The following MYH3 variants were observed in gnomAD, a reference collection of about 807,000 sequenced individuals.
The protein encoded by MYH3 is myosin heavy chain 3.
Under a neutral mutation model 238.0 loss-of-function variants are expected in MYH3, and 130 were observed. The observed-to-expected ratio is 0.55, with a 90% CI of 0.47 to 0.63. MYH3 has a LOEUF of 0.63. Ranked by LOEUF, MYH3 falls within the 30% of genes least tolerant of loss-of-function variation. The pLI is 0.00. For synonymous variants in MYH3, 880 were observed against 924.1 expected, an observed-to-expected ratio of 0.95 and a Z score of 0.86; for missense variants, 1,853 against 2,374.9, an observed-to-expected ratio of 0.78 and a Z score of 4.57.
At chr17:10,630,724 GC>G (rs1345541917) in intron 36 of MYH3, among the ~76,000 whole-genome samples, 1 of 152,144 alleles carries the variant, frequency 6.6e-6, no homozygotes, top group African/African-American at 2.4e-5. Flanking sequence ...GGTGGCAGAT[GC>G]CCGTATTCCC....
Position 10,637,874 on chromosome 17 carries a change from T to C in MYH3, c.3791A>G (p.Asn1264Ser). ...GCTCAGGCTCCTCTGAATTTCCTCA[T>C]TCTTGCCCCTGGCCTCACTTAACTG... is the stretch of plus-strand genomic sequence containing the variant. ...EDQLSEARGK[N>S]EEIQRSLSEL... The change falls in exon 28 of 41, where the codon AAT becomes AGT. Residue 1264 changes from asparagine to serine, a missense_variant. Physicochemically the swap from Asn to Ser is conservative, Grantham distance 46. This residue lies in a region of MYH3 where 1,044 missense variants were observed against 1,192.6 expected (regional missense o/e 0.88). Transcript: ENST00000583535. 6.2e-7 allele frequency: 1 copy of C among 1,614,142 alleles called. No homozygotes were observed. Among genetic ancestry groups the C allele is most frequent in the Non-Finnish European group, 8.5e-7 (1 of 1,180,018 alleles).
intron 26 of MYH3, 66 bp from the exon 27 acceptor site, chr17:10,638,498 C>G (rs937649422): frequency 3.8e-6 from 6 of 1,591,924 alleles, no homozygotes; most frequent in Non-Finnish European, 5.1e-6. Context: ...TTGCCAAGAA[C>G]AGGCTGGTTT....
Position 10,655,078 on chromosome 17 carries a change from A to T in MYH3, c.-8-6T>A, listed in dbSNP as rs774370695. On this transcript the variant is annotated splice_region_variant and splice_polypyrimidine_tract_variant and intron_variant, in intron 2 of 40. Coordinates refer to ENST00000583535, the MANE Select transcript of MYH3 (RefSeq NM_002470.4). ...GTCACTACTCATGGTGTCAGCTGGA[A>T]GGCAAACCCACCCGGTGAGCTCAGC... 6.2e-7 allele frequency: 1 copy of T among 1,613,158 alleles called. No individual in the cohort carries two copies. The highest frequency in any genetic ancestry group is 2.2e-5 in the East Asian group (1 of 44,874).
rs1399671773 is a variant in MYH3, at chr17:10,642,814, G to A, written c.1581+12C>T. On this transcript the variant is annotated intron_variant, in intron 15 of 40. Coordinates refer to ENST00000583535, the MANE Select transcript of MYH3 (RefSeq NM_002470.4). The surrounding 1 kb of genome is among the most constrained non-coding windows in gnomAD (Gnocchi z 5.4). ...TATGAGAAGAGCTTACGGTGGGGATGGAACTGGATACCTTCTCGATGAGCT... is the reference window on the plus strand; with the variant it reads ...TATGAGAAGAGCTTACGGTGGGGATAGAACTGGATACCTTCTCGATGAGCT... 3 of 1,613,966 alleles carry A rather than the reference G, an allele frequency of 1.9e-6. No individual in the cohort carries two copies. The Admixed American group carries it at 5.0e-5, about 27-fold the overall frequency.
intron 10 of MYH3, among the ~76,000 whole-genome samples, chr17:10,646,557 T>C (rs1018649605): frequency 2.6e-5 from 4 of 152,112 alleles, no homozygotes; most frequent in Non-Finnish European, 1.5e-5. Flanking sequence ...TCTGTTTGCT[T>C]TGGCGTCGCA....
At chr17:10,678,410 A>T in the MYH3 span, 1 of 152,202 alleles carries the variant, frequency 6.6e-6, no homozygotes, top group Non-Finnish European at 1.5e-5. Context: ...TAAACTTGAC[A>T]CTAGAATGAA....
In MYH3 at chr17:10,654,905, T is replaced by C. The variant is rs983910272; in HGVS notation, c.160A>G (p.Ser54Gly). The C allele has an allele frequency of 4.3e-6, 7 of 1,614,042 alleles. No individual in the cohort carries two copies. ...ACAGTGACCTTCCCATCCTGAGAAC[T>C]CTTGATTTTCCCCTTGGCATATTCT... is the stretch of plus-strand genomic sequence containing the variant. ...KEEYAKGKIK[S>G]SQDGKVTVET... The change falls in exon 3 of 41, where the codon AGT becomes GGT. Residue 54 changes from serine (S) to glycine (G), a missense_variant. Transcript: ENST00000583535. The surrounding 1 kb of genome is among the most constrained non-coding windows in gnomAD (Gnocchi z 4.5).
the MYH3 span, among the ~76,000 whole-genome samples, chr17:10,667,893 T>A: frequency 6.6e-6 from 1 of 152,184 alleles, no homozygotes; most frequent in Non-Finnish European, 1.5e-5. Context: ...TATATGATTT[T>A]GACTTTTGAA....
At chr17:10,676,611 G>A in the MYH3 span, 7 of 152,058 alleles carry the variant, frequency 4.6e-5, no homozygotes, top group South Asian at 2.1e-4. Context: ...GTTTTCTTTC[G>A]GTTAAATACC....
At chr17:10,658,274 T>C (rs1482919046), upstream of MYH3, among the ~76,000 whole-genome samples, 3 of 152,142 alleles carry the variant, frequency 2.0e-5, no homozygotes, top group African/African-American at 7.2e-5. Flanking sequence ...TCTTGACAAA[T>C]CTTTGGGAGG....
the MYH3 span, chr17:10,677,643 A>T: frequency 1.3e-5 from 2 of 152,232 alleles, no homozygotes; most frequent in African/African-American, 4.8e-5. Context: ...TACACTTAAG[A>T]TATCAGCTGC....
chr17:10,651,755 T>C, intron 4 of MYH3, 87 bp from the exon 5 acceptor site: 2 of 1,511,152 alleles, frequency 1.3e-6, no homozygotes, highest in Non-Finnish European at 1.8e-6. Flanking sequence ...TTGTTTTTTT[T>C]TTTTTTTGAG....
At chr17:10,666,595 A>C in the MYH3 span, among the ~76,000 whole-genome samples, 5 of 151,138 alleles carry the variant, frequency 3.3e-5, no homozygotes, top group South Asian at 1.0e-3. Context: ...AAAAAAAAAA[A>C]AACTTAAAAA....
At chr17:10,636,551 A>C (rs2074217554) in intron 28 of MYH3, among the ~76,000 whole-genome samples, 1 of 152,170 alleles carries the variant, frequency 6.6e-6, no homozygotes, top group African/African-American at 2.4e-5. Flanking sequence ...TTATATGCTT[A>C]CATAGAGGTA....
the MYH3 span, among the ~76,000 whole-genome samples, chr17:10,667,857 T>A: frequency 6.6e-6 from 1 of 152,092 alleles, no homozygotes; most frequent in African/African-American, 2.4e-5. Context: ...AGAGGGTGAA[T>A]GGGACCCAGG....
Position 10,628,814 on chromosome 17 carries a change from C to T in MYH3, c.5797-135G>A, listed in dbSNP as rs372489609. On this transcript the variant is annotated intron_variant, in intron 40 of 40. Transcript: ENST00000583535. The stretch of plus-strand genomic sequence containing the variant: ...GGATATTTTTTGGACCTTGGGAAAA[C>T]GCACGATTGCACACATGAAGTCACC... 105 of 925,584 alleles carry T rather than the reference C, an allele frequency of 1.1e-4. 3 individuals are homozygous for T. Among genetic ancestry groups the T allele is most frequent in the East Asian group, 9.2e-4 (38 of 41,146 alleles). 57.3% of individuals were successfully genotyped at this position (925,584 alleles called of 1,614,324 possible). A position where few individuals can be genotyped will look rare whatever the true frequency, so the allele number is the denominator to read the frequency against.
intron 19 of MYH3, among the ~76,000 whole-genome samples, 187 bp downstream of exon 19, chr17:10,640,898 A>G (rs1186068392): frequency 6.6e-6 from 1 of 152,238 alleles, no homozygotes; most frequent in African/African-American, 2.4e-5. Flanking sequence ...TATATCAGAT[A>G]AATTCCAGAG....
chr17:10,633,478 A>T, intron 33 of MYH3, 113 bp downstream of exon 33: 1 of 1,332,958 alleles, frequency 7.5e-7, no homozygotes, highest in Non-Finnish European at 1.1e-6. Flanking sequence ...AGCAGGCATT[A>T]GGACTGTGAT....
intron 17 of MYH3, 77 bp from the exon 18 acceptor site, chr17:10,641,449 A>G: frequency 9.4e-7 from 1 of 1,067,960 alleles, no homozygotes; most frequent in Non-Finnish European, 1.4e-6. Flanking sequence ...TAATGAAATA[A>G]GATCTATGTT....
Sources: allele counts gnomAD v4.1 joint callset (sites outside exome capture counted in the v4.1 genomes callset), GRCh38; gene constraint gnomAD v4.1.1; regional missense constraint gnomAD v4.1.1; non-coding constraint Gnocchi (gnomAD v3.1); transcripts MANE v1.5; gene names NCBI Gene and HGNC (gene_info 2026-07-23, HGNC 2026-07-21).